The following NPL variants were observed in gnomAD, a reference collection of about 807,000 sequenced individuals.
The protein encoded by NPL is N-acetylneuraminate pyruvate lyase, also known as N-acetylneuraminate lyase.
In NPL, 32 loss-of-function variants were observed where a neutral mutation model predicts 41.1. The observed-to-expected ratio is 0.78, with a 90% CI of 0.59 to 1.05. NPL has a LOEUF of 1.05. NPL is among the 50% of genes least tolerant of loss of function. The probability of loss-of-function intolerance (pLI) is 0.00; values close to 1 mark genes in which losing one functional copy is unlikely to be tolerated. For missense variants in NPL, 321 were observed against 378.4 expected, an observed-to-expected ratio of 0.85 and a Z score of 1.26; for synonymous variants, 128 against 134.9, an observed-to-expected ratio of 0.95 and a Z score of 0.35.
Position 182,803,738 on chromosome 1 carries a change from C to T in NPL, c.109C>T (p.Leu37Phe). The change falls in exon 4 of 13, where the codon CTT becomes TTT. Residue 37 changes from leucine (L) to phenylalanine (F), a missense_variant. Physicochemically the swap from Leu to Phe is conservative, Grantham distance 22. Coordinates refer to ENST00000367553, the MANE Select transcript of NPL (RefSeq NM_030769.3). ...AGTAATTGGTCAGTATGTGGATTAT[C>T]TTGTGAAAGAACAGGGAGTGAAGAA... ...FSVIGQYVDY[L>F]VKEQGVKNIF... 1 of 1,613,336 alleles carries T rather than the reference C, an allele frequency of 6.2e-7. No individual in the cohort carries two copies. The highest frequency in any genetic ancestry group is 8.5e-7 in the Non-Finnish European group (1 of 1,179,312).
At chr1:182,795,697 A>G (rs1407897636) in intron 3 of NPL, 1 of 152,130 alleles carries the variant, frequency 6.6e-6, no homozygotes, top group Non-Finnish European at 1.5e-5. Context: ...GGTTAATAAT[A>G]ATTTTTTTTC....
At position 182,807,478 on chromosome 1, in the gene NPL, C is replaced by T. The variant is rs143482412; in HGVS notation, c.230+1246C>T. On this transcript the variant is annotated intron_variant, in intron 5 of 12. Coordinates refer to ENST00000367553, the MANE Select transcript of NPL (RefSeq NM_030769.3). ...TTGAGTGCATATCCACAGAAGCATTCTCTGGTGAGTCATCAGCTTTCAGTT... is the reference window on the plus strand; with the variant it reads ...TTGAGTGCATATCCACAGAAGCATTTTCTGGTGAGTCATCAGCTTTCAGTT... 5.5e-3 allele frequency among the ~76,000 whole-genome samples: 840 copies of T among 152,134 alleles called. 11 individuals carry two copies. Among genetic ancestry groups the T allele is most frequent in the African/African-American group, 0.019 (802 of 41,488 alleles).
intron 7 of NPL, among the ~76,000 whole-genome samples, chr1:182,815,829 A>G (rs1248667982): frequency 6.6e-6 from 1 of 152,164 alleles, no homozygotes; most frequent in Non-Finnish European, 1.5e-5. Flanking sequence ...ATGATCTTGA[A>G]TTCTTGGCCT....
intron 3 of NPL, among the ~76,000 whole-genome samples, chr1:182,797,448 C>A (rs1666707322): frequency 6.6e-6 from 1 of 152,184 alleles, no homozygotes; most frequent in African/African-American, 2.4e-5. Context: ...CTGAGATGAG[C>A]CGGTCTAAAG....
chr1:182,816,569 A>T, intron 7 of NPL, 145 bp from the exon 8 acceptor site: 1 of 667,736 alleles, frequency 1.5e-6, no homozygotes, highest in South Asian at 1.6e-5. Context: ...ACATTGCAGT[A>T]GCAGTAGCAG....
chr1:182,802,915 A>T (rs1181308451), intron 3 of NPL, among the ~76,000 whole-genome samples: 3 of 152,186 alleles, frequency 2.0e-5, no homozygotes, highest in Non-Finnish European at 2.9e-5. Context: ...TTGGGATTCC[A>T]TGTGTCTAAT....
At chr1:182,808,918 C>T (rs1667097983) in intron 5 of NPL, among the ~76,000 whole-genome samples, 1 of 147,270 alleles carries the variant, frequency 6.8e-6, no homozygotes, top group Non-Finnish European at 1.5e-5. Context: ...CAAAATCACA[C>T]TACTGTAGTC....
chr1:182,794,826 G>A (rs916898638), intron 3 of NPL, among the ~76,000 whole-genome samples: 1 of 152,178 alleles, frequency 6.6e-6, no homozygotes, highest in Non-Finnish European at 1.5e-5. Context: ...ACTGACCTAG[G>A]CCCTCTCAGG....
chr1:182,814,738 T>C, intron 6 of NPL, 45 bp from the exon 7 acceptor site: 1 of 1,488,632 alleles, frequency 6.7e-7, no homozygotes, highest in Non-Finnish European at 9.4e-7. Flanking sequence ...TAGGTGACTA[T>C]AGTAAATCAC....
intron 4 of NPL, among the ~76,000 whole-genome samples, chr1:182,804,288 T>G (rs563788421): frequency 6.6e-6 from 1 of 152,180 alleles, no homozygotes; most frequent in African/African-American, 2.4e-5. Flanking sequence ...CCACCACACC[T>G]GGCTAATTTT....
At chr1:182,826,082 T>C in intron 12 of NPL, 1 of 551,848 alleles carries the variant, frequency 1.8e-6, no homozygotes, top group Non-Finnish European at 3.2e-6. Context: ...CAGCACTCCC[T>C]CCCTTTACTT....
At chr1:182,812,051 A>C in intron 5 of NPL, 105 bp from the exon 6 acceptor site, 1 of 1,024,344 alleles carries the variant, frequency 9.8e-7, no homozygotes, top group Non-Finnish European at 1.5e-6. Flanking sequence ...AAGTGAGATT[A>C]ATAAGGCATC....
At chr1:182,827,682 C>G (rs1667666755) in intron 12 of NPL, among the ~76,000 whole-genome samples, 1 of 152,024 alleles carries the variant, frequency 6.6e-6, no homozygotes, top group Non-Finnish European at 1.5e-5. Context: ...TAGCCTATGG[C>G]TTCTATTCCT....
At chr1:182,792,757 G>T (rs2102523076) in intron 2 of NPL, among the ~76,000 whole-genome samples, 1 of 152,350 alleles carries the variant, frequency 6.6e-6, no homozygotes, top group Admixed American at 6.5e-5. Flanking sequence ...ATGTCTGTTT[G>T]CAAGGAAAGT....
chr1:182,807,651 C>T (rs183903243), intron 5 of NPL, among the ~76,000 whole-genome samples: 19 of 145,130 alleles, frequency 1.3e-4, no homozygotes, highest in Non-Finnish European at 2.7e-4. Flanking sequence ...CCAAGGCGGG[C>T]GGATCACGAG....
At chr1:182,791,369 G>A (rs944766016) in intron 1 of NPL, 3 of 152,174 alleles carry the variant, frequency 2.0e-5, no homozygotes, top group Admixed American at 2.0e-4. Flanking sequence ...AGGAGGAACA[G>A]CAAACAGTTT....
intron 1 of NPL, among the ~76,000 whole-genome samples, chr1:182,790,261 GTC>G (rs1296590302): frequency 6.6e-6 from 1 of 152,004 alleles, no homozygotes; most frequent in Non-Finnish European, 1.5e-5. Flanking sequence ...CTCACTTTCT[GTC>G]TCTTAAAAAA....
chr1:182,828,694 C>A lies in NPL; in HGVS notation c.779-30C>A. 6.2e-7 allele frequency: 1 copy of A among 1,614,016 alleles called. No individual in the cohort carries two copies. The highest frequency in any genetic ancestry group is 1.1e-5 in the South Asian group (1 of 91,038). On this transcript the variant is annotated intron_variant, in intron 12 of 12. Coordinates refer to ENST00000367553, the MANE Select transcript of NPL (RefSeq NM_030769.3). This position sits in a 1 kb window ranked among gnomAD's most constrained non-coding sequence, Gnocchi z 4.0. Reference sequence around the variant, plus strand: ...TTGTGGAGAGATAGACGGTACCAGTCATGTTTCCTCATTTGTTTTTCCCGT... The same window carrying A: ...TTGTGGAGAGATAGACGGTACCAGTAATGTTTCCTCATTTGTTTTTCCCGT...
chr1:182,827,569 T>C (rs1334372803), intron 12 of NPL, among the ~76,000 whole-genome samples: 1 of 152,230 alleles, frequency 6.6e-6, no homozygotes, highest in Non-Finnish European at 1.5e-5. Context: ...TGAAAATCAC[T>C]AATTCTTTCT....
Sources: gnomAD v4.1 joint callset for allele counts (sites outside exome capture counted in the v4.1 genomes callset) on GRCh38, gnomAD v4.1.1 for gene constraint, Gnocchi (gnomAD v3.1) non-coding constraint, MANE v1.5 for transcripts, NCBI Gene and HGNC (gene_info 2026-07-23, HGNC 2026-07-21) for gene names.